Variants in HSPA4L observed in about 807,000 individuals in gnomAD.
HSPA4L encodes the protein heat shock protein family A (Hsp70) member 4 like, also known as heat shock 70 kDa protein 4L.
In HSPA4L, 48 loss-of-function variants were observed where a neutral mutation model predicts 100.3. The ratio of observed to expected loss-of-function variants is 0.48; its 90% CI spans 0.38 to 0.61. The LOEUF (loss-of-function observed/expected upper bound fraction) is 0.61. HSPA4L is among the 20% of genes least tolerant of loss of function. The pLI is 0.00. For synonymous variants in HSPA4L, 319 were observed against 328.2 expected, an observed-to-expected ratio of 0.97 and a Z score of 0.30; for missense variants, 886 against 988.6, an observed-to-expected ratio of 0.90 and a Z score of 1.39.
rs1732582721 is a variant in HSPA4L at position 127,782,389 on chromosome 4, C to T, written c.-162C>T. 4 of 624,304 alleles carry T rather than the reference C, an allele frequency of 6.4e-6. No individual in the cohort carries two copies. In the East Asian group the frequency reaches 1.1e-4, roughly 18 times the overall value. The allele number at this position is 624,304 out of a possible 1,614,324, so 38.7% of individuals were successfully genotyped here. On this transcript the variant is annotated 5_prime_UTR_variant, in exon 1 of 19. Coordinates refer to ENST00000296464, the MANE Select transcript of HSPA4L (RefSeq NM_014278.4). ...GCGCTGACGGCCTCTGCTCCTTCCG[C>T]GGGTTTCCGACTCCCTGCCCTAGAT...
chr4:127,828,794 A>G (rs1340436649), intron 17 of HSPA4L, among the ~76,000 whole-genome samples: 1 of 152,116 alleles, frequency 6.6e-6, no homozygotes, highest in African/African-American at 2.4e-5. Flanking sequence ...CACCAAGAAT[A>G]TTTTAAATCT....
chr4:127,823,527 A>C lies in HSPA4L; in HGVS notation c.1949A>C (p.Lys650Thr). Residue 650 changes from lysine to threonine, a missense_variant, in exon 16 of 19, where the codon AAA (lysine) becomes ACA (threonine). Transcript: ENST00000296464. Reference protein sequence around the residue: ...EKFITPEDLSKLSAVLEDTEN... With the variant: ...EKFITPEDLSTLSAVLEDTEN... ...CAAATATATTACTAGGACTTGAGTA[A>C]ACTGTCTGCAGTATTGGAAGACACA... 1 of 1,608,736 alleles carries C rather than the reference A, an allele frequency of 6.2e-7. No individual in the cohort carries two copies.
intron 17 of HSPA4L, among the ~76,000 whole-genome samples, chr4:127,830,399 G>C (rs1734049181): frequency 6.6e-6 from 1 of 152,024 alleles, no homozygotes; most frequent in African/African-American, 2.4e-5. Flanking sequence ...GTATTCCTTA[G>C]TAGTCATTCT....
Position 127,823,540 on chromosome 4 carries a change from A to T in HSPA4L, c.1962A>T (p.Val654=). The part of the protein sequence containing the change: ...TPEDLSKLSA[V]LEDTENWLYE... ...AGGACTTGAGTAAACTGTCTGCAGTATTGGAAGACACAGAAAATTGGCTTT... is the reference window on the plus strand; with the variant it reads ...AGGACTTGAGTAAACTGTCTGCAGTTTTGGAAGACACAGAAAATTGGCTTT... The change falls in exon 16 of 19, where the codon GTA becomes GTT. Residue 654 remains valine, a synonymous_variant. Coordinates refer to ENST00000296464, the MANE Select transcript of HSPA4L (RefSeq NM_014278.4). 1.2e-6 allele frequency: 2 copies of T among 1,611,498 alleles called. No individual in the cohort carries two copies. Among genetic ancestry groups the T allele is most frequent in the Non-Finnish European group, 1.7e-6 (2 of 1,177,642 alleles).
chr4:127,820,623 A>T (rs1156661843), intron 14 of HSPA4L, 58 bp downstream of exon 14: 21 of 1,535,284 alleles, frequency 1.4e-5, no homozygotes, highest in Non-Finnish European at 1.8e-5. Context: ...AATTTTGTAG[A>T]AGTCAATGAT....
chr4:127,804,630 C>CACACACAG (rs1553933235), intron 8 of HSPA4L, among the ~76,000 whole-genome samples: 177 of 151,650 alleles, frequency 1.2e-3, no homozygotes, highest in African/African-American at 4.0e-3. Flanking sequence ...CACACACACA[C>CACACACAG]ACACACACAC....
chr4:127,803,599 A>C, intron 6 of HSPA4L, 30 bp from the exon 7 acceptor site: 1 of 1,482,026 alleles, frequency 6.7e-7, no homozygotes, highest in Non-Finnish European at 9.0e-7. Flanking sequence ...ATATTTCTGA[A>C]AATACAGTTC....
At position 127,798,930 on chromosome 4, in the gene HSPA4L, A is replaced by T. The variant is rs569576060; in HGVS notation, c.429+221A>T. 2.5e-3 allele frequency among the ~76,000 whole-genome samples: 377 copies of T among 152,286 alleles called. 3 individuals carry two copies. Among genetic ancestry groups the T allele is most frequent in the African/African-American group, 8.8e-3 (364 of 41,570 alleles). ...GAGCAGTGACTCTTAAAAAACTGTTATGTAACTAGTGACTGCTGCTATCTG... is the reference window on the plus strand; with the variant it reads ...GAGCAGTGACTCTTAAAAAACTGTTTTGTAACTAGTGACTGCTGCTATCTG... On this transcript the variant is annotated intron_variant, in intron 4 of 18. Coordinates refer to ENST00000296464, the MANE Select transcript of HSPA4L (RefSeq NM_014278.4).
In HSPA4L at chr4:127,805,691, C is replaced by T. The variant is rs768194196; in HGVS notation, c.1142C>T (p.Ala381Val). 4.4e-6 allele frequency: 7 copies of T among 1,607,070 alleles called. No homozygotes were observed. Among genetic ancestry groups the T allele is most frequent in the Admixed American group, 3.3e-5 (2 of 59,894 alleles). Residue 381 changes from alanine (A) to valine (V), a missense_variant, in exon 10 of 19, where the codon GCG becomes GTG. Physicochemically the swap from Ala to Val is moderately conservative, Grantham distance 64. Transcript: ENST00000296464. ...AVARGCALQC[A>V]ILSPAFKVRE... ...TGGTATACATCTTATTTTCAGTGTG[C>T]GATTCTCTCACCAGCATTTAAAGTG...
intron 6 of HSPA4L, among the ~76,000 whole-genome samples, chr4:127,803,154 G>A (rs1218397908): frequency 6.6e-6 from 1 of 151,824 alleles, no homozygotes; most frequent in Non-Finnish European, 1.5e-5. Context: ...TTTTGTTTCT[G>A]TTTTTTTGTA....
At chr4:127,824,688 T>C (rs1179870120) in intron 16 of HSPA4L, among the ~76,000 whole-genome samples, 2 of 152,214 alleles carry the variant, frequency 1.3e-5, no homozygotes, top group African/African-American at 4.8e-5. Context: ...ACTGGTCTGT[T>C]GTATTTTCAG....
At chr4:127,815,396 A>G (rs941097523) in intron 12 of HSPA4L, among the ~76,000 whole-genome samples, 6 of 151,976 alleles carry the variant, frequency 3.9e-5, no homozygotes, top group Admixed American at 3.3e-4. Flanking sequence ...AGAAATTACC[A>G]TATCAAGCCC....
intron 1 of HSPA4L, among the ~76,000 whole-genome samples, chr4:127,788,596 A>G (rs1482560450): frequency 6.6e-6 from 1 of 152,204 alleles, no homozygotes; most frequent in Non-Finnish European, 1.5e-5. Context: ...ATAGAACACT[A>G]TTTGGGAAAT....
chr4:127,833,971 G>GATTAA lies in HSPA4L; in HGVS notation c.*1102_*1106dup, dbSNP rs1007153738. The stretch of plus-strand genomic sequence containing the variant: ...TATAGAATGTTACATAGTGTTGTGT[G>GATTAA]ATTAAATTATAGTTCCTGCTGTTAA... On this transcript the variant is annotated 3_prime_UTR_variant, in exon 19 of 19. Transcript: ENST00000296464. The GATTAA allele has an allele frequency of 1.3e-5, 2 of 152,148 alleles. No individual in the cohort carries two copies. The highest frequency in any genetic ancestry group is 4.8e-5 in the African/African-American group (2 of 41,454). 9.4% of individuals were successfully genotyped at this position (152,148 alleles called of 1,614,324 possible).
chr4:127,795,469 G>A (rs1034214579), intron 2 of HSPA4L, among the ~76,000 whole-genome samples: 1 of 152,132 alleles, frequency 6.6e-6, no homozygotes, highest in African/African-American at 2.4e-5. Flanking sequence ...AAAAAGATGA[G>A]TTGTAGATAT....
intron 1 of HSPA4L, among the ~76,000 whole-genome samples, chr4:127,790,726 T>C (rs1732851141): frequency 6.6e-6 from 1 of 152,228 alleles, no homozygotes; most frequent in South Asian, 2.1e-4. Flanking sequence ...TCTGTCTCAT[T>C]GAGTGCAACT....
rs759878636 is a variant in HSPA4L at position 127,811,632 on chromosome 4, A to C, written c.1574A>C (p.Asn525Thr). 1 of 1,604,270 alleles carries C rather than the reference A, an allele frequency of 6.2e-7. No individual in the cohort carries two copies. Among genetic ancestry groups the C allele is most frequent in the Non-Finnish European group, 8.5e-7 (1 of 1,173,482 alleles). The change falls in exon 12 of 19, where the codon AAT becomes ACT. Residue 525 changes from asparagine to threonine, a missense_variant. By Grantham distance (65) the Asn-to-Thr change is moderately conservative. Coordinates refer to ENST00000296464, the MANE Select transcript of HSPA4L (RefSeq NM_014278.4). ...ETSFKNENKD[N>T]MDKMQVDQEE... Reference sequence around the variant, plus strand: ...TCATTTAAAAATGAAAACAAAGATAATATGGTATGTAGAAATTCTTTCTCA... The same window carrying C: ...TCATTTAAAAATGAAAACAAAGATACTATGGTATGTAGAAATTCTTTCTCA...
intron 14 of HSPA4L, among the ~76,000 whole-genome samples, chr4:127,821,754 GGAACTAAATATTTTACAT>G (rs1733819145): frequency 1.3e-5 from 2 of 152,046 alleles, no homozygotes; most frequent in Non-Finnish European, 2.9e-5. Context: ...TGTCAAACAT[GGAACTAAATATTTTACAT>G]GAATTATCTC....
intron 1 of HSPA4L, among the ~76,000 whole-genome samples, chr4:127,793,874 T>A (rs918857485): frequency 3.2e-4 from 48 of 152,258 alleles, no homozygotes; most frequent in Middle Eastern, 3.4e-3. Context: ...AGGACTTTTT[T>A]AAAAAATTGT....
Sources: allele counts gnomAD v4.1 joint callset (sites outside exome capture counted in the v4.1 genomes callset), GRCh38; gene constraint gnomAD v4.1.1; transcripts MANE v1.5; gene names NCBI Gene and HGNC (gene_info 2026-07-23, HGNC 2026-07-21).